TNXB: variants seen among roughly 807,000 people sequenced by gnomAD.
The protein encoded by TNXB is tenascin-X.
Under a neutral mutation model 340.5 loss-of-function variants are expected in TNXB, and 183 were observed. The ratio of observed to expected loss-of-function variants is 0.54; its 90% CI spans 0.48 to 0.61. TNXB has a LOEUF of 0.61. Ranked by LOEUF, TNXB falls within the 20% of genes least tolerant of loss-of-function variation. The pLI is 0.00. For synonymous variants in TNXB, 2,121 were observed against 2,314.5 expected (o/e 0.92, Z 2.40); for missense variants, 4,613 against 5,446.4 (o/e 0.85, Z 4.82).
rs772748174 is a variant in TNXB at position 32,108,568 on chromosome 6, AC to A, written c.-9+612del. On this transcript the variant is annotated intron_variant, in intron 1 of 43. Transcript: ENST00000644971. This position sits in a 1 kb window ranked among gnomAD's most constrained non-coding sequence, Gnocchi z 4.8. ...TCTGCAGGCTCTGTGCACGTCCCAG[AC>A]CCGAGTCCTGACTGTCCCATTTCAG... 6.6e-6 allele frequency among the ~76,000 whole-genome samples: 1 copy of A among 151,954 alleles called. No individual in the cohort carries two copies. Among genetic ancestry groups the A allele is most frequent in the Non-Finnish European group, 1.5e-5 (1 of 67,966 alleles).
intron 19 of TNXB, among the ~76,000 whole-genome samples, chr6:32,063,662 G>A (rs889627090): frequency 3.3e-5 from 5 of 152,182 alleles, no homozygotes; most frequent in African/African-American, 1.2e-4. Flanking sequence ...TTTGGCCCGT[G>A]TGAAATCAAT....
Position 32,068,522 on chromosome 6 carries a change from C to T in TNXB, c.6088G>A (p.Ala2030Thr), listed in dbSNP as rs760534018. The T allele has an allele frequency of 1.2e-6, 2 of 1,613,854 alleles. No individual in the cohort carries two copies. Among genetic ancestry groups the T allele is most frequent in the African/African-American group, 1.3e-5 (1 of 74,944 alleles). The change falls in exon 17 of 44, where the codon GCA becomes ACA. Residue 2030 changes from alanine to threonine, a missense_variant. Transcript: ENST00000644971. The surrounding 1 kb of genome is among the most constrained non-coding windows in gnomAD (Gnocchi z 5.3). Reference sequence around the variant, plus strand: ...TCCTCGTGCCCTGGCACCCTCACTGCCTTGGGCTGCCCATCTCCATTCCTG... The same window carrying T: ...TCCTCGTGCCCTGGCACCCTCACTGTCTTGGGCTGCCCATCTCCATTCCTG... ...QYRNGDGQPK[A>T]VRVPGHEEGV...
chr6:32,072,314 A>G lies in TNXB; in HGVS notation c.4682-16T>C. The stretch of plus-strand genomic sequence containing the variant: ...GGGAGGGGAGCTGGGATTTGGGAAG[A>G]CAAAGAACATGGTTGAGATCTCTGA... On this transcript the variant is annotated splice_polypyrimidine_tract_variant and intron_variant, in intron 12 of 43. Transcript: ENST00000644971. The surrounding 1 kb of genome is among the most constrained non-coding windows in gnomAD (Gnocchi z 4.4). 1.3e-6 allele frequency: 2 copies of G among 1,585,300 alleles called. No homozygotes were observed. The highest frequency in any genetic ancestry group is 1.7e-6 in the Non-Finnish European group (2 of 1,163,792).
At chr6:32,092,459 A>C (rs1780117352) in intron 4 of TNXB, among the ~76,000 whole-genome samples, 1 of 152,226 alleles carries the variant, frequency 6.6e-6, no homozygotes, top group African/African-American at 2.4e-5. Context: ...TAAGAGGTAG[A>C]GATAGGCTTC....
chr6:32,060,192 T>A (rs1777922677), intron 21 of TNXB, among the ~76,000 whole-genome samples: 1 of 151,350 alleles, frequency 6.6e-6, no homozygotes, highest in Non-Finnish European at 1.5e-5. Context: ...ATTAGCCAGA[T>A]GTGGTGGCGC....
At position 32,087,645 on chromosome 6, in the gene TNXB, G is replaced by T. The variant is rs1254692769; in HGVS notation, c.2779+1140C>A. On this transcript the variant is annotated intron_variant, in intron 6 of 43. Transcript: ENST00000644971. The surrounding 1 kb of genome is among the most constrained non-coding windows in gnomAD (Gnocchi z 9.0). Reference sequence around the variant, plus strand: ...GGTGGCGGGGCGGGGGTGCGGGGGAGCCGGCTGGGGCGGCGGCCAACAGAC... The same window carrying T: ...GGTGGCGGGGCGGGGGTGCGGGGGATCCGGCTGGGGCGGCGGCCAACAGAC... 2.4e-6 allele frequency: 1 copy of T among 416,752 alleles called. No homozygotes were observed. The highest frequency in any genetic ancestry group is 4.8e-6 in the Non-Finnish European group (1 of 206,440). The allele number at this position is 416,752 out of a possible 1,614,324, so 25.8% of individuals were successfully genotyped here.
chr6:32,043,961 G>C (rs535029125), intron 34 of TNXB, 46 bp downstream of exon 34: 23 of 1,608,940 alleles, frequency 1.4e-5, no homozygotes, highest in African/African-American at 1.1e-4. Flanking sequence ...CAGAGTGCAG[G>C]GGGGAGAGGA....
Position 32,049,303 on chromosome 6 carries a change from G to A in TNXB, c.9724C>T (p.Arg3242Cys), listed in dbSNP as rs768567585. 7.4e-6 allele frequency: 12 copies of A among 1,611,978 alleles called. No individual in the cohort carries two copies. Among genetic ancestry groups the A allele is most frequent in the Admixed American group, 5.0e-5 (3 of 59,982 alleles). Residue 3242 changes from arginine to cysteine, a missense_variant, in exon 28 of 44, where the codon CGC (arginine) becomes TGC (cysteine). Arg to Cys is a radical substitution (Grantham distance 180). This residue lies in a region of TNXB where 4,327 missense variants were observed against 4,859.4 expected (regional missense o/e 0.89). Transcript: ENST00000644971. The surrounding 1 kb of genome is among the most constrained non-coding windows in gnomAD (Gnocchi z 4.5). Reference protein sequence around the residue: ...MHLYGLHEGQRVGPVSTVGIT... With the variant: ...MHLYGLHEGQCVGPVSTVGIT... ...CCCACGGTGGACACTGGGCCCACGC[G>A]CTGCCCCTCGTGGAGGCCGTACAGA...
At position 32,081,225 on chromosome 6, in the gene TNXB, A is replaced by G. The variant is rs1392060753; in HGVS notation, c.4042+143T>C. ...GGACCTGGCATGCAGAGGACAGGAG[A>G]GCAGTGCGGGAGGAAGTGGGTGGAG... On this transcript the variant is annotated intron_variant, in intron 10 of 43. Transcript: ENST00000644971. This position sits in a 1 kb window ranked among gnomAD's most constrained non-coding sequence, Gnocchi z 5.1. The G allele has an allele frequency of 4.1e-6, 3 of 731,240 alleles. No individual in the cohort carries two copies. The highest frequency in any genetic ancestry group is 6.6e-6 in the Non-Finnish European group (3 of 453,196). 45.3% of individuals were successfully genotyped at this position (731,240 alleles called of 1,614,324 possible).
rs370069053 is a variant in TNXB, at chr6:32,081,578, G to A, written c.3832C>T (p.Arg1278Cys). 72 of 1,603,050 alleles carry A rather than the reference G, an allele frequency of 4.5e-5. No individual in the cohort carries two copies. The highest frequency in any genetic ancestry group is 5.9e-5 in the Non-Finnish European group (69 of 1,175,314). ...CCCTGGGCCACTGTCCATGAGAGACGCAAGGAGTCTGGGGTCACGCCGGTC... is the reference window on the plus strand; with the variant it reads ...CCCTGGGCCACTGTCCATGAGAGACACAAGGAGTCTGGGGTCACGCCGGTC... ...TVTGVTPDSL[R>C]LSWTVAQGPF... Residue 1278 changes from arginine to cysteine, a missense_variant, in exon 10 of 44, where the codon CGT (arginine) becomes TGT (cysteine). By Grantham distance (180) the Arg-to-Cys change is radical. Coordinates refer to ENST00000644971, the MANE Select transcript of TNXB (RefSeq NM_001365276.2). The surrounding 1 kb of genome is among the most constrained non-coding windows in gnomAD (Gnocchi z 5.1).
At chr6:32,101,618 A>G (rs1245391983) in intron 1 of TNXB, among the ~76,000 whole-genome samples, 1 of 144,418 alleles carries the variant, frequency 6.9e-6, no homozygotes, top group Non-Finnish European at 1.5e-5. Context: ...TAGTAGAGAC[A>G]GGGTTTCACC....
rs191224404 is a variant in TNXB, at chr6:32,072,606, A to G, written c.4682-308T>C. Among the ~76,000 whole-genome samples, 1 of 152,354 alleles carries G rather than the reference A, an allele frequency of 6.6e-6. No individual in the cohort carries two copies. Among genetic ancestry groups the G allele is most frequent in the Admixed American group, 6.5e-5 (1 of 15,310 alleles). On this transcript the variant is annotated intron_variant, in intron 12 of 43. Transcript: ENST00000644971. This position sits in a 1 kb window ranked among gnomAD's most constrained non-coding sequence, Gnocchi z 4.4. Reference sequence around the variant, plus strand: ...AATTTTGTAGTTTAGTAAACGCGCCACCAAGTCCTGTTATTTAATGAACTA... The same window carrying G: ...AATTTTGTAGTTTAGTAAACGCGCCGCCAAGTCCTGTTATTTAATGAACTA...
At chr6:32,093,974 G>A (rs774987759) in intron 4 of TNXB, among the ~76,000 whole-genome samples, 1 of 151,732 alleles carries the variant, frequency 6.6e-6, no homozygotes, top group African/African-American at 2.4e-5. Flanking sequence ...CACACCTGTA[G>A]TCCCAGCTAC....
Position 32,097,323 on chromosome 6 carries a change from G to A in TNXB, c.530C>T (p.Pro177Leu), listed in dbSNP as rs1216773226. ...CCCCGAGGCTGAGGGTGGGGAAGAG[G>A]GAGGGATCTCAGCATCTGTGGGGTC... is the stretch of plus-strand genomic sequence containing the variant. Reference protein sequence around the residue: ...CSDPTDAEIPPSSPPSASGSC... With the variant: ...CSDPTDAEIPLSSPPSASGSC... The change falls in exon 3 of 44, where the codon CCC becomes CTC. Residue 177 changes from proline to leucine, a missense_variant. Pro to Leu is a moderately conservative substitution (Grantham distance 98, BLOSUM62 -3). This residue lies in a region of TNXB where 4,327 missense variants were observed against 4,859.4 expected (regional missense o/e 0.89). Transcript: ENST00000644971. This position sits in a 1 kb window ranked among gnomAD's most constrained non-coding sequence, Gnocchi z 5.9. The A allele has an allele frequency of 1.2e-6, 2 of 1,613,486 alleles. No individual in the cohort carries two copies. Among genetic ancestry groups the A allele is most frequent in the Admixed American group, 1.7e-5 (1 of 59,986 alleles).
Position 32,043,825 on chromosome 6 carries a change from G to T in TNXB, c.11454C>A (p.Gly3818=), listed in dbSNP as rs371882323. 4 of 1,613,602 alleles carry T rather than the reference G, an allele frequency of 2.5e-6. No individual in the cohort carries two copies. Among genetic ancestry groups the T allele is most frequent in the Admixed American group, 1.7e-5 (1 of 60,028 alleles). ...RTQKLQGLIP[G]ARYEVTVVSV... ...AGACCACGGTCACCTCATAGCGAGC[G>T]CCTGGGATCAGCCCCTGGAGTTTCT... The change falls in exon 35 of 44, where the codon GGC becomes GGA. Residue 3818 remains glycine, a synonymous_variant. Coordinates refer to ENST00000644971, the MANE Select transcript of TNXB (RefSeq NM_001365276.2).
chr6:32,065,079 G>A lies in TNXB; in HGVS notation c.6583C>T (p.Leu2195=). The change falls in exon 19 of 44, where the codon CTG becomes TTG. Residue 2195 remains leucine, a synonymous_variant. Transcript: ENST00000644971. The part of the protein sequence containing the change: ...EESPDAPLAK[L]RLGQMTVRDI... ...CTCACTGTCATCTGCCCTAGGCGCA[G>A]CTTTGCAAGAGGAGCATCAGGGGAC... 2 of 1,594,580 alleles carry A rather than the reference G, an allele frequency of 1.3e-6. No individual in the cohort carries two copies. Among genetic ancestry groups the A allele is most frequent in the East Asian group, 4.5e-5 (2 of 44,492 alleles).
rs765519606 is a variant in TNXB, at chr6:32,089,272, G to C, written c.2466C>G (p.Ala822=). 24 of 1,607,554 alleles carry C rather than the reference G, an allele frequency of 1.5e-5. No homozygotes were observed. The highest frequency in any genetic ancestry group is 2.0e-5 in the Non-Finnish European group (24 of 1,178,118). The change falls in exon 5 of 44, where the codon GCC becomes GCG. Residue 822 remains alanine, a synonymous_variant. Coordinates refer to ENST00000644971, the MANE Select transcript of TNXB (RefSeq NM_001365276.2). The surrounding 1 kb of genome is among the most constrained non-coding windows in gnomAD (Gnocchi z 6.2). ...PGQEYQVTVR[A]LRGTSWGLPA... The stretch of plus-strand genomic sequence containing the variant: ...GAAGGCCCCAGCTGGTCCCTCGAAG[G>C]GCTCGGACAGTGACCTGGTACTCCT...
At position 32,081,491 on chromosome 6, in the gene TNXB, C is replaced by T. The variant is rs370444721; in HGVS notation, c.3919G>A (p.Val1307Ile). 5 of 1,605,790 alleles carry T rather than the reference C, an allele frequency of 3.1e-6. No homozygotes were observed. The highest frequency in any genetic ancestry group is 4.3e-6 in the Non-Finnish European group (5 of 1,176,292). ...DAQGQPQAVP[V>I]AGDENEVTVP... The stretch of plus-strand genomic sequence containing the variant: ...GTAACCTCATTCTCATCCCCCGCAA[C>T]AGGCACTGCCTGGGGCTGCCCCTGT... Residue 1307 changes from valine to isoleucine, a missense_variant, in exon 10 of 44, where the codon GTT (valine) becomes ATT (isoleucine). Transcript: ENST00000644971. This position sits in a 1 kb window ranked among gnomAD's most constrained non-coding sequence, Gnocchi z 5.1.
At chr6:32,048,101 C>T (rs1308631453) in intron 29 of TNXB, 89 bp from the exon 30 acceptor site, 2 of 1,461,642 alleles carry the variant, frequency 1.4e-6, no homozygotes, top group African/African-American at 1.4e-5. Flanking sequence ...GTGAGCCGGT[C>T]CCAGGAACGG....
Sources: allele counts gnomAD v4.1 joint callset (sites outside exome capture counted in the v4.1 genomes callset), GRCh38; gene constraint gnomAD v4.1.1; regional missense constraint gnomAD v4.1.1; non-coding constraint Gnocchi (gnomAD v3.1); transcripts MANE v1.5; gene names NCBI Gene and HGNC (gene_info 2026-07-23, HGNC 2026-07-21).